The following SGCZ variants were observed in gnomAD, a reference collection of about 807,000 sequenced individuals.
SGCZ encodes sarcoglycan zeta, also known as zeta-sarcoglycan.
A neutral mutation model predicts 41.3 loss-of-function variants in SGCZ; 40 were observed. The observed-to-expected ratio is 0.97, with a 90% CI of 0.75 to 1.26. The LOEUF is 1.26. Ranked by LOEUF, SGCZ falls within the 50% of genes most tolerant of loss-of-function variation. The probability of loss-of-function intolerance (pLI) is 0.00; values close to 1 mark genes in which losing one functional copy is unlikely to be tolerated. For synonymous variants in SGCZ, 206 were observed against 137.5 expected (o/e 1.50, Z -3.49); for missense variants, 552 against 369.8 (o/e 1.49, Z -4.04).
chr8:14,306,466 G>C (rs1184539384), intron 3 of SGCZ, among the ~76,000 whole-genome samples: 3 of 152,080 alleles, frequency 2.0e-5, no homozygotes, highest in East Asian at 3.9e-4. Flanking sequence ...CATTCTACTA[G>C]ATTGGATTAT....
At chr8:14,479,753 T>TTTTA in intron 2 of SGCZ, among the ~76,000 whole-genome samples, 1 of 65,824 alleles carries the variant, frequency 1.5e-5, no homozygotes, top group Non-Finnish European at 3.8e-5. Context: ...TTTTTTTTTT[T>TTTTA]TTTTTTTTAT....
At chr8:14,102,802 ATGAAAAGTAGGGTG>A (rs1215437999) in intron 6 of SGCZ, among the ~76,000 whole-genome samples, 1 of 152,148 alleles carries the variant, frequency 6.6e-6, no homozygotes, top group African/African-American at 2.4e-5. Flanking sequence ...CAGAATGCTC[ATGAAAAGTAGGGTG>A]TGATAAGTAT....
chr8:14,850,475 A>G (rs959394753), intron 1 of SGCZ, among the ~76,000 whole-genome samples: 1 of 152,182 alleles, frequency 6.6e-6, no homozygotes, highest in African/African-American at 2.4e-5. Flanking sequence ...CAAGTGAGAA[A>G]CGTGTGAGAA....
At chr8:14,808,278 A>G (rs893701100) in intron 1 of SGCZ, among the ~76,000 whole-genome samples, 4 of 152,144 alleles carry the variant, frequency 2.6e-5, no homozygotes, top group South Asian at 2.1e-4. Flanking sequence ...AGAAACTACC[A>G]TCAGAGTGAA....
chr8:14,983,030 C>T lies in SGCZ; in HGVS notation c.39+254555G>A, dbSNP rs1585436273. 2.6e-5 allele frequency among the ~76,000 whole-genome samples: 4 copies of T among 152,172 alleles called. No homozygotes were observed. The East Asian group carries it at 7.7e-4, about 29-fold the overall frequency. On this transcript the variant is annotated intron_variant, in intron 1 of 7. Transcript: ENST00000382080. ...TTGAATCATTTGGGTTTGGTTTCCTCATCTATAAAAACTGATAATACAAAT... is the reference window on the plus strand; with the variant it reads ...TTGAATCATTTGGGTTTGGTTTCCTTATCTATAAAAACTGATAATACAAAT...
Position 15,104,392 on chromosome 8 carries a change from G to A in SGCZ, c.39+133193C>T, listed in dbSNP as rs560159841. On this transcript the variant is annotated intron_variant, in intron 1 of 7. Coordinates refer to ENST00000382080, the MANE Select transcript of SGCZ (RefSeq NM_139167.4). ...TGCACACACTGGCACATCAGACAGA[G>A]AGAAACCACACAAGGAAAAAACATT... Among the ~76,000 whole-genome samples, 464 of 152,292 alleles carry A rather than the reference G, an allele frequency of 3.0e-3. 2 individuals carry two copies. The highest frequency in any genetic ancestry group is 0.011 in the African/African-American group (440 of 41,562).
intron 1 of SGCZ, among the ~76,000 whole-genome samples, chr8:14,945,148 T>G (rs190222166): frequency 1.2e-5 from 1 of 84,708 alleles, no homozygotes. Flanking sequence ...GGTTAGGCAA[T>G]GTTGTGTGTG....
chr8:14,114,896 G>C (rs1802477899), intron 5 of SGCZ, among the ~76,000 whole-genome samples: 1 of 151,690 alleles, frequency 6.6e-6, no homozygotes, highest in African/African-American at 2.4e-5. Context: ...TCAACAATAA[G>C]AGTAATACTT....
rs759504231 is a variant in SGCZ at position 14,164,590 on chromosome 8, C to T, written c.537G>A (p.Leu179=). ...EDEITIGAEK[L]KVTGTEGAVF... ...CTCCATCTACAGTACCTGTAACTTT[C>T]AGCTTTTCAGCCCCAATGGTAATCT... Residue 179 remains leucine (L), a synonymous_variant, in exon 5 of 8, where the codon CTG becomes CTA. Coordinates refer to ENST00000382080, the MANE Select transcript of SGCZ (RefSeq NM_139167.4). 1 of 1,613,278 alleles carries T rather than the reference C, an allele frequency of 6.2e-7. No individual in the cohort carries two copies. Among genetic ancestry groups the T allele is most frequent in the Admixed American group, 1.7e-5 (1 of 59,922 alleles).
chr8:14,688,223 C>T (rs1246641867), intron 1 of SGCZ, among the ~76,000 whole-genome samples: 1 of 152,280 alleles, frequency 6.6e-6, no homozygotes, highest in African/African-American at 2.4e-5. Context: ...TCAACTTTGG[C>T]TTTTGTTGCC....
At chr8:14,756,310 T>C (rs1799664486) in intron 1 of SGCZ, among the ~76,000 whole-genome samples, 1 of 151,400 alleles carries the variant, frequency 6.6e-6, no homozygotes, top group African/African-American at 2.4e-5. Flanking sequence ...CTCAGCCTCC[T>C]GAGTAGCTGG....
At chr8:14,626,599 C>A (rs549888162) in intron 1 of SGCZ, among the ~76,000 whole-genome samples, 1 of 152,246 alleles carries the variant, frequency 6.6e-6, no homozygotes, top group South Asian at 2.1e-4. Flanking sequence ...CCCACTCCAA[C>A]ATGACTGACT....
chr8:14,098,744 G>A (rs1029725712), intron 7 of SGCZ, among the ~76,000 whole-genome samples: 1 of 152,160 alleles, frequency 6.6e-6, no homozygotes, highest in Non-Finnish European at 1.5e-5. Context: ...TAATGGAGAT[G>A]TGGAGAAGAG....
intron 2 of SGCZ, among the ~76,000 whole-genome samples, chr8:14,499,105 C>A (rs866913360): frequency 3.0e-4 from 46 of 151,784 alleles, no homozygotes; most frequent in African/African-American, 1.1e-3. Flanking sequence ...TCATTCATAT[C>A]TTCTGTTATT....
rs562960903 is a variant in SGCZ, at chr8:14,288,412, T to C, written c.336+35691A>G. ...TTCAGCATTCCAAAAGGATATCTTG[T>C]ATCTTTTAATCCATCACTCCCCATG... is the stretch of plus-strand genomic sequence containing the variant. On this transcript the variant is annotated intron_variant, in intron 3 of 7. Coordinates refer to ENST00000382080, the MANE Select transcript of SGCZ (RefSeq NM_139167.4). Among the ~76,000 whole-genome samples the C allele has an allele frequency of 2.0e-5, 3 of 152,266 alleles. No individual in the cohort carries two copies. The South Asian group carries it at 6.2e-4, about 32-fold the overall frequency.
chr8:14,907,675 C>CA (rs1323528665), intron 1 of SGCZ, among the ~76,000 whole-genome samples: 1 of 151,992 alleles, frequency 6.6e-6, no homozygotes, highest in Non-Finnish European at 1.5e-5. Flanking sequence ...GACCCTGACT[C>CA]AAAAAATAAA....
chr8:14,843,388 G>T (rs1802992688), intron 1 of SGCZ, among the ~76,000 whole-genome samples: 1 of 151,868 alleles, frequency 6.6e-6, no homozygotes, highest in South Asian at 2.1e-4. Context: ...AATCAACACA[G>T]GCCAATTAGA....
intron 1 of SGCZ, among the ~76,000 whole-genome samples, chr8:14,592,230 G>C (rs918836890): frequency 6.6e-6 from 1 of 151,980 alleles, no homozygotes; most frequent in Non-Finnish European, 1.5e-5. Context: ...AAAATGAGGG[G>C]AGTGAAGAAT....
Position 15,142,808 on chromosome 8 carries a change from G to C in SGCZ, c.39+94777C>G, listed in dbSNP as rs111391244. Among the ~76,000 whole-genome samples the C allele has an allele frequency of 3.0e-4, 45 of 151,998 alleles. 1 individual carries two copies. Among genetic ancestry groups the C allele is most frequent in the African/African-American group, 1.0e-3 (42 of 41,470 alleles). ...TGTATTTTTGTAGAGGCAGGGTTTT[G>C]CCATGTTGCCCAGGCTGGTCTCAAA... On this transcript the variant is annotated intron_variant, in intron 1 of 7. Transcript: ENST00000382080.
Sources: allele counts gnomAD v4.1 joint callset (sites outside exome capture counted in the v4.1 genomes callset), GRCh38; gene constraint gnomAD v4.1.1; transcripts MANE v1.5; gene names NCBI Gene and HGNC (gene_info 2026-07-23, HGNC 2026-07-21).